Variants in TCERG1L observed in about 807,000 individuals in gnomAD.
TCERG1L encodes the protein transcription elongation regulator 1-like protein.
In TCERG1L, 37 loss-of-function variants were observed where a neutral mutation model predicts 56.3. That is an observed-to-expected ratio of 0.66 (90% CI 0.51 to 0.87). The LOEUF is 0.87. Among genes scored for constraint, TCERG1L ranks in the 40% least tolerant of loss-of-function variants. TCERG1L has a pLI of 0.00. For synonymous variants in TCERG1L, 324 were observed against 326.3 expected (o/e 0.99, Z 0.08); for missense variants, 799 against 774.2 (o/e 1.03, Z -0.38).
At chr10:131,227,741 G>A (rs1023021406) in intron 4 of TCERG1L, among the ~76,000 whole-genome samples, 4 of 117,482 alleles carry the variant, frequency 3.4e-5, no homozygotes, top group Non-Finnish European at 7.1e-5. Flanking sequence ...CAAGATACAC[G>A]TCTTGATTAC....
intron 6 of TCERG1L, among the ~76,000 whole-genome samples, chr10:131,148,906 G>C (rs2154031): frequency 0.82 from 125,323 of 152,280 alleles, 53,093 homozygotes; most frequent in South Asian, 0.93. Context: ...CCCTCGGGGC[G>C]ACTCTGTCCT....
chr10:131,107,686 T>C (rs533772756), intron 9 of TCERG1L, among the ~76,000 whole-genome samples: 76 of 152,180 alleles, frequency 5.0e-4, no homozygotes, highest in African/African-American at 1.7e-3. Context: ...ACACTTACGA[T>C]GCCCAGAGAG....
intron 3 of TCERG1L, among the ~76,000 whole-genome samples, chr10:131,295,905 C>G (rs1399147418): frequency 6.6e-6 from 1 of 152,094 alleles, no homozygotes; most frequent in East Asian, 1.9e-4. Flanking sequence ...GGCAATCCAT[C>G]TTTCTTTGTT....
At chr10:131,219,913 C>T (rs917035686) in intron 4 of TCERG1L, among the ~76,000 whole-genome samples, 3 of 152,174 alleles carry the variant, frequency 2.0e-5, no homozygotes, top group Non-Finnish European at 4.4e-5. Context: ...GCGTGGTTTG[C>T]TCCCCGGCTT....
intron 4 of TCERG1L, among the ~76,000 whole-genome samples, chr10:131,231,132 C>G (rs796892455): frequency 1.7e-5 from 2 of 118,990 alleles, no homozygotes; most frequent in African/African-American, 5.2e-5. Flanking sequence ...CCAAGTGTAC[C>G]GAGTTCCAAG....
intron 3 of TCERG1L, among the ~76,000 whole-genome samples, chr10:131,273,266 GC>G (rs998643222): frequency 3.9e-5 from 6 of 152,208 alleles, no homozygotes; most frequent in African/African-American, 9.6e-5. Flanking sequence ...CAGAATGGAG[GC>G]CCCAGCAGTG....
chr10:131,110,851 G>T (rs1007907311), intron 9 of TCERG1L, among the ~76,000 whole-genome samples: 9 of 144,196 alleles, frequency 6.2e-5, no homozygotes, highest in African/African-American at 2.2e-4. Context: ...CATGTGGGAC[G>T]CCAAAGTCCT....
At chr10:131,218,146 C>T (rs557037036) in intron 4 of TCERG1L, among the ~76,000 whole-genome samples, 92 of 152,310 alleles carry the variant, frequency 6.0e-4, no homozygotes, top group African/African-American at 2.0e-3. Flanking sequence ...GTGTCCCTTC[C>T]TGTTCTCATT....
intron 11 of TCERG1L, among the ~76,000 whole-genome samples, chr10:131,096,717 G>T (rs551832753): frequency 4.6e-5 from 7 of 152,200 alleles, no homozygotes; most frequent in Admixed American, 1.3e-4. Context: ...TGGCTAACAT[G>T]GTGAAACCCC....
intron 6 of TCERG1L, among the ~76,000 whole-genome samples, chr10:131,153,322 A>G (rs1845884778): frequency 6.6e-6 from 1 of 152,020 alleles, no homozygotes; most frequent in South Asian, 2.1e-4. Context: ...AAACCAAAGC[A>G]CCTTCACCAA....
rs1378612853 is a variant in TCERG1L at position 131,112,290 on chromosome 10, C to T, written c.1395+4509G>A. ...TATTTCTCCAGCTCTGACTCCCACA[C>T]TGTCCTGGAGATGCCTGTCTGGATC... On this transcript the variant is annotated intron_variant, in intron 9 of 11. Coordinates refer to ENST00000368642, the MANE Select transcript of TCERG1L (RefSeq NM_174937.4). Among the ~76,000 whole-genome samples the T allele has an allele frequency of 2.7e-4, 39 of 142,704 alleles. 3 individuals are homozygous for T. The highest frequency in any genetic ancestry group is 2.2e-3 in the Admixed American group (32 of 14,588). 93.6% of individuals were successfully genotyped at this position (142,704 alleles called of 152,430 possible).
At chr10:131,173,149 C>T (rs1846110706) in intron 4 of TCERG1L, among the ~76,000 whole-genome samples, 1 of 152,082 alleles carries the variant, frequency 6.6e-6, no homozygotes, top group Non-Finnish European at 1.5e-5. Flanking sequence ...CCTCAGCCTC[C>T]CAAAGTGCTG....
At chr10:131,135,335 C>T (rs1192187408) in intron 7 of TCERG1L, among the ~76,000 whole-genome samples, 2 of 152,132 alleles carry the variant, frequency 1.3e-5, no homozygotes, top group African/African-American at 4.8e-5. Context: ...TCCCAGTGAC[C>T]GCTGAGCCTG....
At chr10:131,222,984 G>C (rs1445510705) in intron 4 of TCERG1L, among the ~76,000 whole-genome samples, 1 of 152,204 alleles carries the variant, frequency 6.6e-6, no homozygotes, top group East Asian at 1.9e-4. Flanking sequence ...CCTAGTTCTG[G>C]TGAGGATAGT....
At chr10:131,272,085 C>T (rs1028615953) in intron 3 of TCERG1L, among the ~76,000 whole-genome samples, 2 of 152,214 alleles carry the variant, frequency 1.3e-5, no homozygotes, top group Non-Finnish European at 2.9e-5. Context: ...GCTCTGACAA[C>T]ACGGTGGGCA....
At chr10:131,232,898 C>G (rs539135198) in intron 4 of TCERG1L, among the ~76,000 whole-genome samples, 16 of 152,286 alleles carry the variant, frequency 1.1e-4, no homozygotes, top group Non-Finnish European at 2.1e-4. Flanking sequence ...TTCTGTTATC[C>G]CACAGTCTTT....
At chr10:131,218,702 G>C (rs1481892631) in intron 4 of TCERG1L, among the ~76,000 whole-genome samples, 2 of 152,156 alleles carry the variant, frequency 1.3e-5, no homozygotes, top group Non-Finnish European at 1.5e-5. Flanking sequence ...TGTGTGTCCT[G>C]AGCCACCGGG....
chr10:131,131,991 T>C (rs1564797956), intron 8 of TCERG1L, among the ~76,000 whole-genome samples: 2 of 152,274 alleles, frequency 1.3e-5, no homozygotes, highest in South Asian at 4.1e-4. Flanking sequence ...TTATTGACAA[T>C]AACCTTCCCA....
chr10:131,228,934 C>A (rs1424051865), intron 4 of TCERG1L, among the ~76,000 whole-genome samples: 19 of 106,456 alleles, frequency 1.8e-4, no homozygotes, highest in Non-Finnish European at 3.2e-4. Flanking sequence ...TCAAGGCCTC[C>A]GGAGTCTCCC....
Sources: allele counts gnomAD v4.1 joint callset (sites outside exome capture counted in the v4.1 genomes callset), GRCh38; gene constraint gnomAD v4.1.1; transcripts MANE v1.5; gene names NCBI Gene and HGNC (gene_info 2026-07-23, HGNC 2026-07-21).